CRIM1: variants seen among roughly 807,000 people sequenced by gnomAD.
CRIM1 encodes cysteine-rich motor neuron 1 protein.
CRIM1 carries 32 observed loss-of-function variants against 116.4 expected under a neutral mutation model. That is an observed-to-expected ratio of 0.27 (90% CI 0.21 to 0.37). CRIM1 has a LOEUF of 0.37. CRIM1 is among the 10% of genes least tolerant of loss of function. The pLI is 1.00. For missense variants in CRIM1, 1,331 were observed against 1,354.8 expected, an observed-to-expected ratio of 0.98 and a Z score of 0.28; for synonymous variants, 590 against 509.2, an observed-to-expected ratio of 1.16 and a Z score of -2.13.
At chr2:36,386,889 T>G (rs1671206068) in intron 1 of CRIM1, among the ~76,000 whole-genome samples, 1 of 152,212 alleles carries the variant, frequency 6.6e-6, no homozygotes, top group Non-Finnish European at 1.5e-5. Context: ...GAAGTAGCTT[T>G]CTAGGCAGAG....
intron 2 of CRIM1, among the ~76,000 whole-genome samples, chr2:36,429,449 G>A (rs999794303): frequency 9.9e-5 from 15 of 152,166 alleles, no homozygotes; most frequent in African/African-American, 3.6e-4. Context: ...TAGATGCTGG[G>A]CTCTGTGTGG....
intron 5 of CRIM1, among the ~76,000 whole-genome samples, chr2:36,467,624 T>C (rs1275675697): frequency 6.6e-6 from 1 of 152,194 alleles, no homozygotes; most frequent in Non-Finnish European, 1.5e-5. Context: ...AAGATAGTGA[T>C]AAAATATTTA....
chr2:36,517,353 C>T lies in CRIM1; in HGVS notation c.2017C>T (p.Leu673Phe). The part of the protein sequence containing the change: ...ADDFVVQKPE[L>F]STPSICHAPG... ...TGACTTTGTGGTGCAGAAGCCAGAG[C>T]TCAGTACTCCCTCCATTTGCCACGC... The change falls in exon 12 of 17, where the codon CTC (leucine) becomes TTC (phenylalanine). Residue 673 changes from leucine to phenylalanine, a missense_variant. Around this residue, in one of 3 missense-constraint regions of CRIM1, gnomAD observed 358 missense variants for 436.1 expected, o/e 0.82. Transcript: ENST00000280527. 1.9e-6 allele frequency: 3 copies of T among 1,614,190 alleles called. No homozygotes were observed. Among genetic ancestry groups the T allele is most frequent in the South Asian group, 2.2e-5 (2 of 91,088 alleles).
rs1572537507 is a variant in CRIM1 at position 36,356,313 on chromosome 2, C to A, written c.21C>A (p.Asp7Glu). 6.4e-6 allele frequency: 10 copies of A among 1,560,184 alleles called. No individual in the cohort carries two copies. The highest frequency in any genetic ancestry group is 2.7e-5 in the African/African-American group (2 of 73,092). ...GGAGGATGTACTTGGTGGCGGGGGA[C>A]AGGGGGTTGGCCGGCTGCGGGCACC... MYLVAGDRGLAGCGHLL... is the reference protein window; with the variant it reads MYLVAGERGLAGCGHLL... The change falls in exon 1 of 17, where the codon GAC becomes GAA. Residue 7 changes from aspartate (D) to glutamate (E), a missense_variant. By Grantham distance (45) the Asp-to-Glu change is conservative (BLOSUM62 2). Coordinates refer to ENST00000280527, the MANE Select transcript of CRIM1 (RefSeq NM_016441.3). The surrounding 1 kb of genome is among the most constrained non-coding windows in gnomAD (Gnocchi z 4.3).
chr2:36,547,277 T>A (rs1667421902), intron 16 of CRIM1, 106 bp downstream of exon 16: 2 of 864,806 alleles, frequency 2.3e-6, no homozygotes, highest in Admixed American at 4.5e-5. Context: ...AGTTTTTACT[T>A]TGCTCTTCAT....
chr2:36,541,909 CAA>C (rs565564371), intron 14 of CRIM1, among the ~76,000 whole-genome samples: 85 of 152,318 alleles, frequency 5.6e-4, no homozygotes, highest in African/African-American at 2.0e-3. Flanking sequence ...GGCGTGGAAA[CAA>C]ATAGCATTCC....
At position 36,442,676 on chromosome 2, in the gene CRIM1, G is replaced by C. The variant is rs200502210; in HGVS notation, c.810G>C (p.Pro270=). ...CPPVQQTACP[P]DSYETQVRLT... Reference sequence around the variant, plus strand: ...CTGTTCAGCAGACCGCGTGTCCCCCGGACAGCTATGAAACTCAAGTCAGAC... The same window carrying C: ...CTGTTCAGCAGACCGCGTGTCCCCCCGACAGCTATGAAACTCAAGTCAGAC... Residue 270 remains proline (P), a synonymous_variant, in exon 4 of 17, where the codon CCG becomes CCC. Coordinates refer to ENST00000280527, the MANE Select transcript of CRIM1 (RefSeq NM_016441.3). 6.2e-7 allele frequency: 1 copy of C among 1,614,066 alleles called. No individual in the cohort carries two copies. The highest frequency in any genetic ancestry group is 2.2e-5 in the East Asian group (1 of 44,886).
At chr2:36,420,101 C>T (rs1000780654) in intron 2 of CRIM1, among the ~76,000 whole-genome samples, 3 of 152,122 alleles carry the variant, frequency 2.0e-5, no homozygotes, top group Non-Finnish European at 4.4e-5. Context: ...CTCCCAACTT[C>T]CTGCCCTCTT....
chr2:36,437,322 C>G (rs1675395588), intron 2 of CRIM1, among the ~76,000 whole-genome samples: 1 of 151,884 alleles, frequency 6.6e-6, no homozygotes, highest in African/African-American at 2.4e-5. Context: ...TTGCAGTGAA[C>G]CAAGATTGCA....
intron 8 of CRIM1, among the ~76,000 whole-genome samples, chr2:36,505,894 C>T (rs562934580): frequency 2.6e-5 from 4 of 152,280 alleles, no homozygotes; most frequent in African/African-American, 9.6e-5. Flanking sequence ...ACATACCATA[C>T]CCAGTGTGGC....
intron 7 of CRIM1, among the ~76,000 whole-genome samples, chr2:36,482,343 A>C (rs1403704052): frequency 2.0e-5 from 3 of 152,156 alleles, no homozygotes; most frequent in African/African-American, 7.2e-5. Flanking sequence ...AGATTATTTT[A>C]GTATAGGATT....
At chr2:36,532,881 C>A (rs894042023) in intron 13 of CRIM1, among the ~76,000 whole-genome samples, 1 of 152,156 alleles carries the variant, frequency 6.6e-6, no homozygotes, top group Non-Finnish European at 1.5e-5. Flanking sequence ...ATGTAGTGGG[C>A]ATTCAGTAAG....
At chr2:36,379,078 G>A (rs1240437038) in intron 1 of CRIM1, 1 of 152,108 alleles carries the variant, frequency 6.6e-6, no homozygotes, top group Non-Finnish European at 1.5e-5. Flanking sequence ...AGCTTGTCTT[G>A]TTTTAAAGAA....
chr2:36,391,530 A>G (rs1023700819), intron 1 of CRIM1, among the ~76,000 whole-genome samples: 1 of 152,082 alleles, frequency 6.6e-6, no homozygotes, highest in African/African-American at 2.4e-5. Flanking sequence ...TACCAGTTAC[A>G]TATTGGCTAA....
chr2:36,445,557 T>C (rs1014157482), intron 4 of CRIM1, among the ~76,000 whole-genome samples: 3 of 152,366 alleles, frequency 2.0e-5, no homozygotes, highest in Non-Finnish European at 2.9e-5. Flanking sequence ...TCTTGTCTTA[T>C]CAGCTATACG....
chr2:36,386,300 G>A (rs1291297694), intron 1 of CRIM1, among the ~76,000 whole-genome samples: 1 of 152,142 alleles, frequency 6.6e-6, no homozygotes, highest in Non-Finnish European at 1.5e-5. Context: ...TATTATTTAA[G>A]TTATTATTTA....
At chr2:36,360,251 G>T (rs933540810) in intron 1 of CRIM1, among the ~76,000 whole-genome samples, 9 of 152,130 alleles carry the variant, frequency 5.9e-5, no homozygotes, top group Non-Finnish European at 1.5e-5. Context: ...ACTTGCTTTG[G>T]CAGTTTGTAC....
At chr2:36,424,852 T>C (rs1674333439) in intron 2 of CRIM1, among the ~76,000 whole-genome samples, 1 of 152,196 alleles carries the variant, frequency 6.6e-6, no homozygotes, top group Non-Finnish European at 1.5e-5. Context: ...AATTATCATA[T>C]GTACCCACCC....
intron 13 of CRIM1, among the ~76,000 whole-genome samples, chr2:36,526,886 C>T (rs1437482087): frequency 6.6e-6 from 1 of 152,214 alleles, no homozygotes; most frequent in Non-Finnish European, 1.5e-5. Context: ...TCAAGATGCT[C>T]AGGTATGTCC....
Sources: allele counts gnomAD v4.1 joint callset (sites outside exome capture counted in the v4.1 genomes callset), GRCh38; gene constraint gnomAD v4.1.1; regional missense constraint gnomAD v4.1.1; non-coding constraint Gnocchi (gnomAD v3.1); transcripts MANE v1.5; gene names NCBI Gene and HGNC (gene_info 2026-07-23, HGNC 2026-07-21).